IGFBP2: variants seen among roughly 807,000 people sequenced by gnomAD.
The protein encoded by IGFBP2 is insulin-like growth factor-binding protein 2.
Under a neutral mutation model 26.2 loss-of-function variants are expected in IGFBP2, and 12 were observed. That is an observed-to-expected ratio of 0.46 (90% CI 0.29 to 0.74). The LOEUF (loss-of-function observed/expected upper bound fraction) is 0.74, where lower values mean the gene tolerates loss of function less well. IGFBP2 is among the 30% of genes least tolerant of loss of function. IGFBP2 has a pLI of 0.09. For missense variants in IGFBP2, 328 were observed against 441.2 expected (o/e 0.74, Z 2.30); for synonymous variants, 189 against 200.6 (o/e 0.94, Z 0.49).
At chr2:216,640,971 G>A (rs551223373) in intron 1 of IGFBP2, among the ~76,000 whole-genome samples, 53 of 152,274 alleles carry the variant, frequency 3.5e-4, no homozygotes, top group African/African-American at 1.2e-3. Flanking sequence ...GAGCTGCTGG[G>A]TAGCAGATGA....
In IGFBP2 at chr2:216,659,656, A is replaced by T. The variant is rs1574567362; in HGVS notation, c.443-901A>T. On this transcript the variant is annotated intron_variant, in intron 1 of 3. Transcript: ENST00000233809. ...TGGAGCTGTTTTCAAGGCCTCCTTCACCTAGGCTGTGCATACAAAAGGTTG... is the reference window on the plus strand; with the variant it reads ...TGGAGCTGTTTTCAAGGCCTCCTTCTCCTAGGCTGTGCATACAAAAGGTTG... The T allele has an allele frequency of 5.1e-6, 7 of 1,383,998 alleles. No homozygotes were observed. In the East Asian group the frequency reaches 1.5e-4, roughly 29 times the overall value. The allele number at this position is 1,383,998 out of a possible 1,614,324, so 85.7% of individuals were successfully genotyped here. A position where few individuals can be genotyped will look rare whatever the true frequency, so the allele number is the denominator to read the frequency against.
At chr2:216,634,175 G>T (rs948615441) in intron 1 of IGFBP2, among the ~76,000 whole-genome samples, 1 of 152,196 alleles carries the variant, frequency 6.6e-6, no homozygotes, top group African/African-American at 2.4e-5. Flanking sequence ...CGACTCATTT[G>T]GTGGGGATGA....
At chr2:216,660,807 G>A in intron 2 of IGFBP2, 21 bp downstream of exon 2, 1 of 1,542,502 alleles carries the variant, frequency 6.5e-7, no homozygotes. Context: ...GTCAGGTCTG[G>A]TGGAAGGGGT....
intron 1 of IGFBP2, among the ~76,000 whole-genome samples, chr2:216,638,372 G>A (rs1244971505): frequency 2.6e-5 from 4 of 151,804 alleles, no homozygotes; most frequent in African/African-American, 9.7e-5. Context: ...GGGCATGGTG[G>A]CACCTGCCTG....
chr2:216,638,654 T>C (rs947559288), intron 1 of IGFBP2, among the ~76,000 whole-genome samples: 2 of 152,138 alleles, frequency 1.3e-5, no homozygotes, highest in African/African-American at 4.8e-5. Context: ...CAGTTGGTTC[T>C]CAGCTGGGCT....
At chr2:216,643,638 C>T (rs914559163) in intron 1 of IGFBP2, among the ~76,000 whole-genome samples, 9 of 151,738 alleles carry the variant, frequency 5.9e-5, no homozygotes, top group African/African-American at 2.2e-4. Context: ...ACATAAAATA[C>T]ACTAACACTA....
intron 1 of IGFBP2, among the ~76,000 whole-genome samples, chr2:216,657,197 G>A (rs1697936589): frequency 6.6e-6 from 1 of 152,166 alleles, no homozygotes; most frequent in African/African-American, 2.4e-5. Flanking sequence ...CAGAGGGCAG[G>A]GGCAGGGAGC....
At position 216,661,982 on chromosome 2, in the gene IGFBP2, T is replaced by A; in HGVS notation, c.797T>A (p.Leu266Gln). The part of the protein sequence containing the change: ...LHIPNCDKHG[L>Q]YNLKQCKMSL... ...ATCCCCAACTGTGACAAGCATGGCC[T>A]GTACAACCTCAAACAGGTGAGCATG... Residue 266 changes from leucine to glutamine, a missense_variant, in exon 3 of 4, where the codon CTG becomes CAG. By Grantham distance (113) the Leu-to-Gln change is moderately radical (BLOSUM62 -2). Transcript: ENST00000233809. 1 of 1,614,184 alleles carries A rather than the reference T, an allele frequency of 6.2e-7. No individual in the cohort carries two copies. The highest frequency in any genetic ancestry group is 8.5e-7 in the Non-Finnish European group (1 of 1,180,016).
At chr2:216,642,163 T>G (rs1462040880) in intron 1 of IGFBP2, among the ~76,000 whole-genome samples, 3 of 148,066 alleles carry the variant, frequency 2.0e-5, no homozygotes, top group Admixed American at 6.8e-5. Context: ...CACGCCCAGC[T>G]AATTTTTTGC....
At chr2:216,647,008 G>T (rs1053296377) in intron 1 of IGFBP2, among the ~76,000 whole-genome samples, 2 of 152,096 alleles carry the variant, frequency 1.3e-5, no homozygotes, top group Admixed American at 6.5e-5. Context: ...TGCTGGAGGG[G>T]GACAAGAAAA....
rs3202344 is a variant in IGFBP2 at position 216,664,373 on chromosome 2, G to C, written c.*269G>C. On this transcript the variant is annotated 3_prime_UTR_variant, in exon 4 of 4. Coordinates refer to ENST00000233809, the MANE Select transcript of IGFBP2 (RefSeq NM_000597.3). The surrounding 1 kb of genome is among the most constrained non-coding windows in gnomAD (Gnocchi z 4.6). ...GGGGTACAGGTTTGGGGAGGGGGAA[G>C]AGAAATTTTTATTTTTGAACCCCTG... 593 of 335,314 alleles carry C rather than the reference G, an allele frequency of 1.8e-3. No individual in the cohort carries two copies. Among genetic ancestry groups the C allele is most frequent in the Middle Eastern group, 0.016 (21 of 1,274 alleles). 20.8% of individuals were successfully genotyped at this position (335,314 alleles called of 1,614,324 possible). A position where few individuals can be genotyped will look rare whatever the true frequency, so the allele number is the denominator to read the frequency against.
Position 216,663,991 on chromosome 2 carries a change from A to G in IGFBP2, c.865A>G (p.Asn289Asp). 5 of 1,614,126 alleles carry G rather than the reference A, an allele frequency of 3.1e-6. No homozygotes were observed. Among genetic ancestry groups the G allele is most frequent in the Non-Finnish European group, 3.4e-6 (4 of 1,180,008 alleles). The stretch of plus-strand genomic sequence containing the variant: ...TGGGGAGTGCTGGTGTGTGAACCCC[A>G]ACACCGGGAAGCTGATCCAGGGAGC... ...QRGECWCVNP[N>D]TGKLIQGAPT... The change falls in exon 4 of 4, where the codon AAC becomes GAC. Residue 289 changes from asparagine (N) to aspartate (D), a missense_variant. Coordinates refer to ENST00000233809, the MANE Select transcript of IGFBP2 (RefSeq NM_000597.3).
At chr2:216,656,361 A>G (rs1013343155) in intron 1 of IGFBP2, among the ~76,000 whole-genome samples, 3 of 152,246 alleles carry the variant, frequency 2.0e-5, no homozygotes, top group African/African-American at 7.2e-5. Flanking sequence ...AGGGTAGCGG[A>G]GGGGTCTTAG....
intron 1 of IGFBP2, among the ~76,000 whole-genome samples, chr2:216,656,292 C>T (rs1697921558): frequency 6.6e-6 from 1 of 152,206 alleles, no homozygotes; most frequent in Non-Finnish European, 1.5e-5. Flanking sequence ...CTAGGAAGCC[C>T]AGGGAAGATC....
chr2:216,661,111 T>A (rs532288673), intron 2 of IGFBP2: 89 of 346,428 alleles, frequency 2.6e-4, no homozygotes, highest in African/African-American at 1.6e-3. Flanking sequence ...CTTTTTTTTT[T>A]CCTCCCCCTG....
At chr2:216,651,856 G>T (rs1697831443) in intron 1 of IGFBP2, among the ~76,000 whole-genome samples, 1 of 152,202 alleles carries the variant, frequency 6.6e-6, no homozygotes, top group African/African-American at 2.4e-5. Flanking sequence ...CCGCCTGCTG[G>T]GTTCAAGCGA....
intron 2 of IGFBP2, chr2:216,661,609 G>A (rs780890436): frequency 4.4e-5 from 25 of 573,046 alleles, no homozygotes; most frequent in Non-Finnish European, 7.3e-5. Context: ...TGAAAGCCAC[G>A]GTCACAGAAC....
intron 1 of IGFBP2, among the ~76,000 whole-genome samples, chr2:216,636,075 G>C (rs1278671929): frequency 6.6e-6 from 1 of 151,672 alleles, no homozygotes. Context: ...AGCTTGCAAG[G>C]GTGCAGGAGA....
chr2:216,655,368 C>G (rs991121716), intron 1 of IGFBP2, among the ~76,000 whole-genome samples: 1 of 152,128 alleles, frequency 6.6e-6, no homozygotes, highest in African/African-American at 2.4e-5. Context: ...ATGTTGTTCT[C>G]GTGATAGCGA....
Sources: allele counts gnomAD v4.1 joint callset (sites outside exome capture counted in the v4.1 genomes callset), GRCh38; gene constraint gnomAD v4.1.1; non-coding constraint Gnocchi (gnomAD v3.1); transcripts MANE v1.5; gene names NCBI Gene and HGNC (gene_info 2026-07-23, HGNC 2026-07-21).